TAOK1: variants seen among roughly 807,000 people sequenced by gnomAD.
TAOK1 encodes serine/threonine-protein kinase TAO1.
In TAOK1, 21 loss-of-function variants were observed where a neutral mutation model predicts 138.3. The ratio of observed to expected loss-of-function variants is 0.15; its 90% CI spans 0.11 to 0.22. The LOEUF (loss-of-function observed/expected upper bound fraction) is 0.22. Ranked by LOEUF, TAOK1 falls within the 10% of genes least tolerant of loss-of-function variation. The pLI, the probability that TAOK1 is intolerant of heterozygous loss-of-function variation, is 1.00. For synonymous variants in TAOK1, 361 were observed against 398.4 expected, an observed-to-expected ratio of 0.91 and a Z score of 1.12; for missense variants, 651 against 1,227.7, an observed-to-expected ratio of 0.53 and a Z score of 7.02.
At chr17:29,506,743 A>C (rs1317148518) in intron 13 of TAOK1, among the ~76,000 whole-genome samples, 1 of 152,208 alleles carries the variant, frequency 6.6e-6, no homozygotes, top group East Asian at 1.9e-4. Flanking sequence ...GATTTGTCAA[A>C]ACATTAACAT....
intron 1 of TAOK1, among the ~76,000 whole-genome samples, chr17:29,391,231 C>T (rs1904415776): frequency 6.6e-6 from 1 of 152,036 alleles, no homozygotes; most frequent in African/African-American, 2.4e-5. Flanking sequence ...ATTCCTTTTT[C>T]CTGAGGGTCA....
At chr17:29,407,573 A>G (rs548564847) in intron 1 of TAOK1, among the ~76,000 whole-genome samples, 1 of 151,768 alleles carries the variant, frequency 6.6e-6, no homozygotes, top group African/African-American at 2.4e-5. Flanking sequence ...CAGCCTCCCT[A>G]GTACCTGGGA....
rs138594590 is a variant in TAOK1 at position 29,451,578 on chromosome 17, G to C, written c.30G>C (p.Leu10=). The change falls in exon 2 of 20, where the codon CTG becomes CTC. Residue 10 remains leucine (L), a synonymous_variant. Transcript: ENST00000261716. The part of the protein sequence containing the change: MPSTNRAGS[L]KDPEIAELFF... ...CATCAACTAACAGAGCAGGCAGCCT[G>C]AAGGACCCTGAAATTGCAGAGCTCT... 6.2e-7 allele frequency: 1 copy of C among 1,613,346 alleles called. No individual in the cohort carries two copies. Among genetic ancestry groups the C allele is most frequent in the Non-Finnish European group, 8.5e-7 (1 of 1,179,774 alleles).
chr17:29,530,708 G>A, intron 18 of TAOK1, 89 bp downstream of exon 18: 1 of 1,057,712 alleles, frequency 9.5e-7, no homozygotes, highest in Non-Finnish European at 1.5e-6. Context: ...AGTACTAGTT[G>A]GAAATGATAG....
chr17:29,468,331 T>A (rs1598493904), intron 3 of TAOK1, among the ~76,000 whole-genome samples: 2 of 148,752 alleles, frequency 1.3e-5, no homozygotes, highest in East Asian at 4.0e-4. Flanking sequence ...GAGACAGGGT[T>A]TCACCATGTT....
At chr17:29,497,033 T>C (rs2031428331) in intron 11 of TAOK1, among the ~76,000 whole-genome samples, 1 of 152,166 alleles carries the variant, frequency 6.6e-6, no homozygotes, top group Non-Finnish European at 1.5e-5. Context: ...TTAGGGAGAA[T>C]GGAAATACAG....
rs533835569 is a variant in TAOK1 at position 29,448,705 on chromosome 17, C to CT, written c.-94-2749dup. Among the ~76,000 whole-genome samples the CT allele has an allele frequency of 3.5e-4, 53 of 152,170 alleles. 1 individual carries two copies. The East Asian group carries it at 0.01, about 29-fold the overall frequency. On this transcript the variant is annotated intron_variant, in intron 1 of 19. Transcript: ENST00000261716. ...TTTGTATATCATAGTCTTATGCATACTGTTTGTTCTGTAAGTATTTGTGGA... is the reference window on the plus strand; with the variant it reads ...TTTGTATATCATAGTCTTATGCATACTTGTTTGTTCTGTAAGTATTTGTGGA...
chr17:29,487,245 C>CAA (rs2031190237), intron 8 of TAOK1, among the ~76,000 whole-genome samples: 7 of 31,496 alleles, frequency 2.2e-4, no homozygotes, highest in African/African-American at 1.1e-3. Context: ...GACTGTGTCT[C>CAA]CAAAAAAAAA....
intron 17 of TAOK1, among the ~76,000 whole-genome samples, chr17:29,525,618 C>T (rs565154526): frequency 1.3e-5 from 2 of 151,492 alleles, no homozygotes; most frequent in East Asian, 4.0e-4. Flanking sequence ...TGGTCTTGAA[C>T]TCCTGACCTC....
In TAOK1 at chr17:29,530,488, C is replaced by T. The variant is rs768691207; in HGVS notation, c.2230C>T (p.Leu744=). 1.1e-5 allele frequency: 17 copies of T among 1,614,032 alleles called. No individual in the cohort carries two copies. Among genetic ancestry groups the T allele is most frequent in the Non-Finnish European group, 1.2e-5 (14 of 1,180,052 alleles). Residue 744 remains leucine (L), a synonymous_variant, in exon 18 of 20, where the codon CTG becomes TTG. Transcript: ENST00000261716. The stretch of plus-strand genomic sequence containing the variant: ...ACAGTACAAAGCATTAAGAAATCAC[C>T]TGCTGGAGACTACACCAAAGAGTGA... ...TRQYKALRNH[L]LETTPKSEHK... is the part of the protein sequence containing the mutation.
chr17:29,444,533 T>C (rs2030028480), intron 1 of TAOK1, among the ~76,000 whole-genome samples: 1 of 152,244 alleles, frequency 6.6e-6, no homozygotes, highest in Non-Finnish European at 1.5e-5. Context: ...TTTTGACTTT[T>C]TCCTGTCTTC....
chr17:29,402,368 A>G (rs1040445504), intron 1 of TAOK1, among the ~76,000 whole-genome samples: 5 of 152,168 alleles, frequency 3.3e-5, no homozygotes, highest in South Asian at 2.1e-4. Flanking sequence ...GTGGCACACA[A>G]TGATGGCTCA....
intron 1 of TAOK1, among the ~76,000 whole-genome samples, chr17:29,407,570 C>T (rs1905028723): frequency 6.6e-6 from 1 of 151,982 alleles, no homozygotes; most frequent in African/African-American, 2.4e-5. Flanking sequence ...CCTCAGCCTC[C>T]CTAGTACCTG....
chr17:29,523,549 G>A (rs1041222361), intron 17 of TAOK1, among the ~76,000 whole-genome samples: 23 of 152,150 alleles, frequency 1.5e-4, no homozygotes, highest in African/African-American at 4.6e-4. Context: ...CACCACGCCC[G>A]GCTAATTTTT....
chr17:29,463,177 A>G (rs1051397779), intron 2 of TAOK1, among the ~76,000 whole-genome samples: 3 of 152,146 alleles, frequency 2.0e-5, no homozygotes, highest in Non-Finnish European at 4.4e-5. Context: ...TACATATATT[A>G]TAAACATATA....
intron 1 of TAOK1, among the ~76,000 whole-genome samples, chr17:29,426,374 T>G (rs558676357): frequency 6.6e-6 from 1 of 152,316 alleles, no homozygotes; most frequent in African/African-American, 2.4e-5. Flanking sequence ...CAGAGATATT[T>G]TTATATTACA....
chr17:29,481,354 C>A (rs769704459), intron 7 of TAOK1, among the ~76,000 whole-genome samples: 7 of 151,832 alleles, frequency 4.6e-5, no homozygotes, highest in Middle Eastern at 3.4e-3. Flanking sequence ...CCACCACACC[C>A]GGCTAATTTT....
chr17:29,528,930 TGATAA>T (rs1351728668), intron 17 of TAOK1, among the ~76,000 whole-genome samples: 1 of 149,734 alleles, frequency 6.7e-6, no homozygotes, highest in African/African-American at 2.4e-5. Context: ...TCTCTAGATC[TGATAA>T]GATATTGTCT....
At chr17:29,518,339 G>T (rs1434712052) in intron 16 of TAOK1, among the ~76,000 whole-genome samples, 2 of 152,182 alleles carry the variant, frequency 1.3e-5, no homozygotes, top group Admixed American at 6.5e-5. Flanking sequence ...AAAAAAATTA[G>T]CTGGGTGTTG....
Sources: gnomAD v4.1 joint callset for allele counts (sites outside exome capture counted in the v4.1 genomes callset) on GRCh38, gnomAD v4.1.1 for gene constraint, MANE v1.5 for transcripts, NCBI Gene and HGNC (gene_info 2026-07-23, HGNC 2026-07-21) for gene names.